The following SMCO4 variants were observed in gnomAD, a reference collection of about 807,000 sequenced individuals.
SMCO4 encodes the protein single-pass membrane and coiled-coil domain-containing protein 4.
A neutral mutation model predicts 3.6 loss-of-function variants in SMCO4; 4 were observed. The ratio of observed to expected loss-of-function variants is 1.11; its 90% CI spans 0.54 to 2.53. The LOEUF (loss-of-function observed/expected upper bound fraction) is 2.53, where lower values mean the gene tolerates loss of function less well. Among genes scored for constraint, SMCO4 ranks in the 30% most tolerant of loss-of-function variants. SMCO4 has a pLI of 0.02. For synonymous variants in SMCO4, 36 were observed against 35.3 expected (o/e 1.02, Z -0.07); for missense variants, 70 against 80.8 (o/e 0.87, Z 0.51).
upstream of SMCO4, among the ~76,000 whole-genome samples, chr11:93,546,709 T>A (rs1949317975): frequency 6.6e-6 from 1 of 152,176 alleles, no homozygotes; most frequent in Non-Finnish European, 1.5e-5. Flanking sequence ...TTTGTGACAT[T>A]TTTGCTATTT....
chr11:93,485,523 A>C (rs2605599), intron 2 of SMCO4, among the ~76,000 whole-genome samples: 1 of 152,048 alleles, frequency 6.6e-6, no homozygotes, highest in Non-Finnish European at 1.5e-5. Flanking sequence ...CTTCCTCCTC[A>C]GTGCTATCTC....
At chr11:93,540,593 CA>C (rs1949263634) in intron 1 of SMCO4, among the ~76,000 whole-genome samples, 1 of 152,172 alleles carries the variant, frequency 6.6e-6, no homozygotes, top group Admixed American at 6.5e-5. Context: ...CCACTGTTAA[CA>C]AAATGGTACA....
At chr11:93,480,417 C>A (rs2134564465) in intron 2 of SMCO4, among the ~76,000 whole-genome samples, 1 of 152,356 alleles carries the variant, frequency 6.6e-6, no homozygotes, top group East Asian at 1.9e-4. Context: ...CACCCCCCAG[C>A]ATTCTGCATC....
At chr11:93,549,461 T>A in the SMCO4 span, among the ~76,000 whole-genome samples, 3 of 151,762 alleles carry the variant, frequency 2.0e-5, no homozygotes, top group Non-Finnish European at 2.9e-5. Context: ...TAAAAAAAAT[T>A]TTTTTGAGTC....
At chr11:93,547,459 C>A (rs1949322727), upstream of SMCO4, among the ~76,000 whole-genome samples, 1 of 152,290 alleles carries the variant, frequency 6.6e-6, no homozygotes, top group African/African-American at 2.4e-5. Flanking sequence ...TCTTAACCAC[C>A]CCATCTGTTG....
Position 93,478,753 on chromosome 11 carries a change from A to ACACG in SMCO4, c.*256_*257insCGTG, listed in dbSNP as rs1491532041. On this transcript the variant is annotated 3_prime_UTR_variant, in exon 3 of 3. Transcript: ENST00000298966. ...CACACACACACACACACACACACAC[A>ACACG]TGCGCGCGCGCTTTGAAGTCTGAAA... 1.4e-6 allele frequency: 1 copy of ACACG among 706,130 alleles called. No individual in the cohort carries two copies. Among genetic ancestry groups the ACACG allele is most frequent in the African/African-American group, 2.0e-5 (1 of 50,576 alleles). 43.7% of individuals were successfully genotyped at this position (706,130 alleles called of 1,614,324 possible).
At chr11:93,490,130 AG>A (rs1312539503) in intron 2 of SMCO4, among the ~76,000 whole-genome samples, 2 of 152,258 alleles carry the variant, frequency 1.3e-5, no homozygotes, top group Non-Finnish European at 2.9e-5. Flanking sequence ...GCTCACAACC[AG>A]CTTCTCTCAC....
the SMCO4 span, among the ~76,000 whole-genome samples, chr11:93,551,919 T>G: frequency 6.6e-6 from 1 of 152,148 alleles, no homozygotes; most frequent in Non-Finnish European, 1.5e-5. Context: ...GGAATCCATC[T>G]GGTATCGCTT....
intron 2 of SMCO4, among the ~76,000 whole-genome samples, chr11:93,498,485 G>A (rs546761688): frequency 6.6e-6 from 1 of 152,262 alleles, no homozygotes; most frequent in Admixed American, 6.5e-5. Context: ...ACTCACACCC[G>A]CCACAAGCGG....
intron 2 of SMCO4, among the ~76,000 whole-genome samples, chr11:93,480,630 A>G (rs1291553858): frequency 2.6e-5 from 4 of 152,204 alleles, no homozygotes; most frequent in African/African-American, 9.6e-5. Flanking sequence ...GCAGAAGAGC[A>G]CTGAATACCA....
At chr11:93,481,916 C>G (rs1253056845) in intron 2 of SMCO4, among the ~76,000 whole-genome samples, 1 of 152,226 alleles carries the variant, frequency 6.6e-6, no homozygotes, top group Non-Finnish European at 1.5e-5. Context: ...AGTGCTGGGC[C>G]TGACTTCCCT....
intron 2 of SMCO4, chr11:93,481,324 G>A (rs530012149): frequency 1.9e-6 from 1 of 515,558 alleles, no homozygotes; most frequent in East Asian, 1.5e-4. Flanking sequence ...CGCCCGCAGG[G>A]ACGCGGTACA....
chr11:93,534,674 C>T (rs1263652989), intron 1 of SMCO4, among the ~76,000 whole-genome samples: 1 of 152,154 alleles, frequency 6.6e-6, no homozygotes, highest in Admixed American at 6.5e-5. Flanking sequence ...CAAGGGTTCC[C>T]CCTCCACCAC....
At position 93,478,713 on chromosome 11, in the gene SMCO4, GCACACACA is replaced by G. The variant is rs58177836; in HGVS notation, c.*289_*296del. The G allele has an allele frequency of 0.15, 34,352 of 225,144 alleles. 2,383 individuals are homozygous for G. The highest frequency in any genetic ancestry group is 0.29 in the Admixed American group (4,699 of 16,282). The allele number at this position is 225,144 out of a possible 1,614,324, so 13.9% of individuals were successfully genotyped here. A position where few individuals can be genotyped will look rare whatever the true frequency, so the allele number is the denominator to read the frequency against. On this transcript the variant is annotated 3_prime_UTR_variant, in exon 3 of 3. Coordinates refer to ENST00000298966, the MANE Select transcript of SMCO4 (RefSeq NM_020179.3). ...ATCGATTTTTAGGAGAGAAAAAGAA[GCACACACA>G]CACACACACACACACACACACACAC...
chr11:93,479,094 T>C lies in SMCO4; in HGVS notation c.96A>G (p.Thr32=), dbSNP rs370993774. The change falls in exon 3 of 3, where the codon ACA becomes ACG. Residue 32 remains threonine (T), a synonymous_variant. Transcript: ENST00000298966. The part of the protein sequence containing the change: ...AMQEARQQIT[T]VVLPTLAVVV... ...CCACGGCCAGCGTGGGCAGCACCAC[T>C]GTAGTGATCTGCTGCCGGGCCTCCT... The C allele has an allele frequency of 2.5e-6, 4 of 1,613,868 alleles. No homozygotes were observed. Among genetic ancestry groups the C allele is most frequent in the Non-Finnish European group, 2.5e-6 (3 of 1,179,994 alleles).
chr11:93,534,216 ACACACACACACACACACACACAC>A, intron 1 of SMCO4, among the ~76,000 whole-genome samples: 1 of 322 alleles, frequency 3.1e-3, no homozygotes, highest in Non-Finnish European at 0.011. Context: ...ATATATATAT[ACACACACACACACACACACACAC>A]ACACACACAC....
upstream of SMCO4, among the ~76,000 whole-genome samples, chr11:93,546,697 C>G (rs775361350): frequency 2.2e-4 from 34 of 152,168 alleles, no homozygotes; most frequent in Non-Finnish European, 3.8e-4. Flanking sequence ...TTCTGTTTTT[C>G]CTTTGTGACA....
At chr11:93,532,317 TC>T (rs897448948) in intron 1 of SMCO4, among the ~76,000 whole-genome samples, 4 of 152,218 alleles carry the variant, frequency 2.6e-5, no homozygotes, top group Admixed American at 2.6e-4. Context: ...TACTACATCA[TC>T]TGGGTGTTTC....
chr11:93,552,503 G>A, the SMCO4 span, among the ~76,000 whole-genome samples: 1 of 144,402 alleles, frequency 6.9e-6, no homozygotes, highest in African/African-American at 2.5e-5. Context: ...ACAGAGTCTC[G>A]ATCTGTTCCC....
Sources: gnomAD v4.1 joint callset for allele counts (sites outside exome capture counted in the v4.1 genomes callset) on GRCh38, gnomAD v4.1.1 for gene constraint, MANE v1.5 for transcripts, NCBI Gene and HGNC (gene_info 2026-07-23, HGNC 2026-07-21) for gene names.